UTRN: variants seen among roughly 807,000 people sequenced by gnomAD.
UTRN encodes the protein utrophin.
A neutral mutation model predicts 463.9 loss-of-function variants in UTRN; 283 were observed. That is an observed-to-expected ratio of 0.61 (90% confidence interval 0.55 to 0.67). UTRN has a LOEUF of 0.67. Among genes scored for constraint, UTRN ranks in the 30% least tolerant of loss-of-function variants. The pLI is 0.00. For synonymous variants in UTRN, 1,442 were observed against 1,431.5 expected (o/e 1.01, Z -0.17); for missense variants, 3,922 against 4,084.3 (o/e 0.96, Z 1.08).
intron 33 of UTRN, among the ~76,000 whole-genome samples, chr6:144,498,939 C>T (rs936258440): frequency 6.6e-6 from 1 of 152,144 alleles, no homozygotes; most frequent in Admixed American, 6.5e-5. Context: ...TCCCAAAGTG[C>T]TGGGATTATA....
rs1778028815 is a variant in UTRN at position 144,643,900 on chromosome 6, C to T, written c.7480-34506C>T. On this transcript the variant is annotated intron_variant, in intron 51 of 74. Transcript: ENST00000367545. ...AACATGCACACGTTTTTTAAAATTG[C>T]TTTACCTGCACAATTGAGTTCATGA... 2.0e-5 allele frequency among the ~76,000 whole-genome samples: 3 copies of T among 152,068 alleles called. No homozygotes were observed. In the South Asian group the frequency reaches 6.2e-4, roughly 31 times the overall value.
In UTRN at chr6:144,319,499, A is replaced by G. The variant is rs75804266; in HGVS notation, c.79+27592A>G. ...TTCTGCAAAGGACGAAGCCTAGTAC[A>G]TTTTCTGGTAGAATCTTATATACCA... is the stretch of plus-strand genomic sequence containing the variant. On this transcript the variant is annotated intron_variant, in intron 2 of 74. Transcript: ENST00000367545. Among the ~76,000 whole-genome samples the G allele has an allele frequency of 3.2e-3, 487 of 152,298 alleles. 3 individuals are homozygous for G. Among genetic ancestry groups the G allele is most frequent in the African/African-American group, 0.011 (456 of 41,548 alleles).
chr6:144,747,010 G>A (rs764491332), intron 54 of UTRN, among the ~76,000 whole-genome samples: 3 of 152,084 alleles, frequency 2.0e-5, no homozygotes, highest in African/African-American at 4.8e-5. Context: ...CCTTTGACTT[G>A]GCTTTTATAT....
At chr6:144,439,032 A>G (rs570238417) in intron 12 of UTRN, 137 bp downstream of exon 12, 9 of 932,720 alleles carry the variant, frequency 9.6e-6, no homozygotes, top group African/African-American at 3.3e-5. Context: ...AGCAGCTCAC[A>G]GGGTGGAATT....
intron 16 of UTRN, 38 bp from the exon 17 acceptor site, chr6:144,448,562 G>C: frequency 6.2e-7 from 1 of 1,604,594 alleles, no homozygotes; most frequent in Non-Finnish European, 8.5e-7. Context: ...CAATGAAGCT[G>C]TTATAAACAT....
At chr6:144,480,301 T>G (rs1035048548) in intron 26 of UTRN, among the ~76,000 whole-genome samples, 1 of 152,192 alleles carries the variant, frequency 6.6e-6, no homozygotes, top group Admixed American at 6.5e-5. Flanking sequence ...AATGATCATT[T>G]TTTTTTAATT....
intron 46 of UTRN, among the ~76,000 whole-genome samples, chr6:144,546,215 T>C (rs1027514674): frequency 3.6e-4 from 55 of 152,320 alleles, no homozygotes; most frequent in African/African-American, 1.3e-3. Context: ...TCTACTTCAC[T>C]AGCTGCCATT....
chr6:144,759,326 A>G (rs1206428035), intron 58 of UTRN, among the ~76,000 whole-genome samples: 2 of 152,130 alleles, frequency 1.3e-5, no homozygotes. Context: ...CTAACTGAAA[A>G]TGTTTAAAAC....
At position 144,678,560 on chromosome 6, in the gene UTRN, C is replaced by A. The variant is rs761365487; in HGVS notation, c.7634C>A (p.Ala2545Glu). The part of the protein sequence containing the change: ...DMNQRWNDLK[A>E]KSASIRAHLE... ...AACCAAAGATGGAATGACTTAAAAG[C>A]AAAATCTGCTAGCATCAGGTCAGAA... Residue 2545 changes from alanine (A) to glutamate (E), a missense_variant, in exon 52 of 75, where the codon GCA (alanine) becomes GAA (glutamate). Transcript: ENST00000367545. 1.9e-6 allele frequency: 3 copies of A among 1,610,496 alleles called. No individual in the cohort carries two copies. Among genetic ancestry groups the A allele is most frequent in the South Asian group, 2.2e-5 (2 of 90,692 alleles).
chr6:144,698,605 A>C (rs79150978), intron 52 of UTRN, among the ~76,000 whole-genome samples: 331 of 152,312 alleles, frequency 2.2e-3, no homozygotes, highest in African/African-American at 7.6e-3. Context: ...GGATTGAGTC[A>C]AGCCCAGTTC....
intron 23 of UTRN, among the ~76,000 whole-genome samples, chr6:144,468,592 A>ATGTG (rs1002248406): frequency 2.0e-4 from 29 of 146,504 alleles, no homozygotes; most frequent in Admixed American, 3.4e-4. Flanking sequence ...CCTTAAAGAA[A>ATGTG]TGTGTGTGTG....
At chr6:144,807,715 A>G (rs1475452876) in intron 65 of UTRN, among the ~76,000 whole-genome samples, 1 of 152,116 alleles carries the variant, frequency 6.6e-6, no homozygotes, top group Non-Finnish European at 1.5e-5. Context: ...GCCTCTGCCA[A>G]TAGCCTCTAC....
At chr6:144,793,685 G>A in intron 62 of UTRN, 149 bp from the exon 63 acceptor site, 3 of 900,026 alleles carry the variant, frequency 3.3e-6, no homozygotes, top group South Asian at 1.9e-5. Flanking sequence ...GAATATTAAG[G>A]TCATTGGAAT....
At chr6:144,485,329 A>T in intron 27 of UTRN, 56 bp from the exon 28 acceptor site, 7 of 1,606,306 alleles carry the variant, frequency 4.4e-6, no homozygotes, top group Non-Finnish European at 6.0e-6. Flanking sequence ...GTGTAGTACT[A>T]GAGATACGAT....
At chr6:144,826,484 T>C (rs1780197716) in intron 66 of UTRN, among the ~76,000 whole-genome samples, 1 of 152,252 alleles carries the variant, frequency 6.6e-6, no homozygotes, top group Non-Finnish European at 1.5e-5. Context: ...TTTACTCTCC[T>C]TCCTCCTCAA....
At chr6:144,617,099 A>G (rs1391530399) in intron 51 of UTRN, among the ~76,000 whole-genome samples, 5 of 152,084 alleles carry the variant, frequency 3.3e-5, no homozygotes, top group African/African-American at 1.2e-4. Flanking sequence ...AATAGAAATG[A>G]TTTCTTGAGA....
intron 2 of UTRN, among the ~76,000 whole-genome samples, chr6:144,293,960 A>T (rs755188529): frequency 6.6e-6 from 1 of 152,030 alleles, no homozygotes; most frequent in Non-Finnish European, 1.5e-5. Flanking sequence ...GTAAACAAGT[A>T]TGTATTATAT....
chr6:144,816,902 T>C (rs1475848166), intron 65 of UTRN, among the ~76,000 whole-genome samples: 1 of 152,082 alleles, frequency 6.6e-6, no homozygotes, highest in Non-Finnish European at 1.5e-5. Context: ...GACATTTTAA[T>C]ATAATTTTTT....
intron 36 of UTRN, 32 bp downstream of exon 36, chr6:144,514,069 G>A (rs1299385940): frequency 6.2e-7 from 1 of 1,611,806 alleles, no homozygotes; most frequent in Non-Finnish European, 8.5e-7. Context: ...AACGCTTTTG[G>A]GAGTGGCATG....
Sources: gnomAD v4.1 joint callset for allele counts (sites outside exome capture counted in the v4.1 genomes callset) on GRCh38, gnomAD v4.1.1 for gene constraint, MANE v1.5 for transcripts, NCBI Gene and HGNC (gene_info 2026-07-23, HGNC 2026-07-21) for gene names.